VIPAS39: variants seen among roughly 807,000 people sequenced by gnomAD.
The protein encoded by VIPAS39 is VPS33B interacting protein, apical-basolateral polarity regulator, spe-39 homolog.
In VIPAS39, 63 loss-of-function variants were observed where a neutral mutation model predicts 84.7. The ratio of observed to expected loss-of-function variants is 0.74; its 90% confidence interval spans 0.61 to 0.92. The LOEUF (loss-of-function observed/expected upper bound fraction) is 0.92. Ranked by LOEUF, VIPAS39 falls within the 40% of genes least tolerant of loss-of-function variation. The probability of loss-of-function intolerance (pLI) is 0.00; values close to 1 mark genes in which losing one functional copy is unlikely to be tolerated. For missense variants in VIPAS39, 499 were observed against 604.5 expected, an observed-to-expected ratio of 0.83 and a Z score of 1.83; for synonymous variants, 192 against 216.5, an observed-to-expected ratio of 0.89 and a Z score of 0.99.
At chr14:77,444,193 T>G in intron 8 of VIPAS39, 56 bp downstream of exon 8, 1 of 1,541,386 alleles carries the variant, frequency 6.5e-7, no homozygotes, top group South Asian at 1.1e-5. Context: ...TGATTGGATT[T>G]TCAGAAACTA....
At chr14:77,433,700 C>A (rs2078560521) in intron 16 of VIPAS39, 142 bp downstream of exon 16, 1 of 671,530 alleles carries the variant, frequency 1.5e-6, no homozygotes, top group East Asian at 3.0e-5. Context: ...CTATAAAATT[C>A]ATTCTTTCAA....
intron 8 of VIPAS39, 144 bp downstream of exon 8, chr14:77,444,105 C>A: frequency 1.2e-6 from 1 of 813,816 alleles, no homozygotes; most frequent in Non-Finnish European, 2.0e-6. Flanking sequence ...CCTTAAAGCA[C>A]AGATTACTTA....
intron 16 of VIPAS39, among the ~76,000 whole-genome samples, chr14:77,431,967 G>A (rs951247530): frequency 2.6e-5 from 4 of 152,188 alleles, no homozygotes; most frequent in Non-Finnish European, 5.9e-5. Flanking sequence ...ACAAACAAAT[G>A]GATACAGAAA....
chr14:77,457,507 G>C lies in VIPAS39; in HGVS notation c.-13C>G, dbSNP rs902164018. The C allele has an allele frequency of 1.1e-5, 11 of 1,028,186 alleles. No homozygotes were observed. Among genetic ancestry groups the C allele is most frequent in the Non-Finnish European group, 1.6e-5 (11 of 702,152 alleles). The allele number at this position is 1,028,186 out of a possible 1,614,324, so 63.7% of individuals were successfully genotyped here. ...GGGACACCCTCACCTCTTCCGCACAGAGCCCTCCCTCTCAGGACAGCGCCA... is the reference window on the plus strand; with the variant it reads ...GGGACACCCTCACCTCTTCCGCACACAGCCCTCCCTCTCAGGACAGCGCCA... On this transcript the variant is annotated 5_prime_UTR_variant, in exon 1 of 20. Coordinates refer to ENST00000557658, the MANE Select transcript of VIPAS39 (RefSeq NM_001193315.2).
At position 77,429,689 on chromosome 14, in the gene VIPAS39, G is replaced by C; in HGVS notation, c.1258C>G (p.Pro420Ala). ...VVEILHKNNA[P>A]VQILQEYVNL... ...TCTTCAGGACCCATTACCTGCACAG[G>C]GGCATTGTTCTTGTGCAAAATTTCG... The change falls in exon 17 of 20, where the codon CCT becomes GCT. Residue 420 changes from proline to alanine, a missense_variant. Pro to Ala is a conservative substitution (Grantham distance 27, BLOSUM62 -1). Coordinates refer to ENST00000557658, the MANE Select transcript of VIPAS39 (RefSeq NM_001193315.2). 1 of 1,614,090 alleles carries C rather than the reference G, an allele frequency of 6.2e-7. No individual in the cohort carries two copies. The highest frequency in any genetic ancestry group is 8.5e-7 in the Non-Finnish European group (1 of 1,180,008).
chr14:77,443,167 A>C lies in VIPAS39; in HGVS notation c.598-15T>G. On this transcript the variant is annotated splice_polypyrimidine_tract_variant and intron_variant, in intron 8 of 19. Coordinates refer to ENST00000557658, the MANE Select transcript of VIPAS39 (RefSeq NM_001193315.2). ...AAAATCAGAACCTACAGGAAAAAAGAACAAAGACTGTGCAAACTTTCCAAC... is the reference window on the plus strand; with the variant it reads ...AAAATCAGAACCTACAGGAAAAAAGCACAAAGACTGTGCAAACTTTCCAAC... 1 of 1,614,176 alleles carries C rather than the reference A, an allele frequency of 6.2e-7. No homozygotes were observed. Among genetic ancestry groups the C allele is most frequent in the Non-Finnish European group, 8.5e-7 (1 of 1,180,028 alleles).
In VIPAS39 at chr14:77,434,254, G is replaced by C. The variant is rs371371767; in HGVS notation, c.1089+8C>G. The C allele has an allele frequency of 5.9e-5, 96 of 1,613,818 alleles. No homozygotes were observed. In the Middle Eastern group the frequency reaches 8.3e-4, roughly 14 times the overall value. ...CTAGTTTCATAACACTGACCAATTTGTATCTACCTTAAATGTCTTCTTCAG... is the reference window on the plus strand; with the variant it reads ...CTAGTTTCATAACACTGACCAATTTCTATCTACCTTAAATGTCTTCTTCAG... On this transcript the variant is annotated splice_region_variant and intron_variant, in intron 15 of 19. Transcript: ENST00000557658.
intron 3 of VIPAS39, 99 bp downstream of exon 3, chr14:77,453,200 T>A: frequency 8.5e-7 from 1 of 1,178,942 alleles, no homozygotes; most frequent in Non-Finnish European, 1.3e-6. Context: ...CTTATCCTAG[T>A]CCCTCTCCTA....
intron 11 of VIPAS39, 87 bp downstream of exon 11, chr14:77,440,979 A>G (rs1233969070): frequency 3.2e-6 from 5 of 1,550,300 alleles, no homozygotes; most frequent in African/African-American, 2.7e-5. Flanking sequence ...CGGCCTCCCA[A>G]AGTGCTGGGA....
At chr14:77,437,701 A>G (rs1365863298) in intron 12 of VIPAS39, 107 bp downstream of exon 12, 4 of 1,181,510 alleles carry the variant, frequency 3.4e-6, no homozygotes, top group Non-Finnish European at 5.0e-6. Context: ...GGTATGATTC[A>G]TTGTTAGCCC....
At chr14:77,427,847 T>C (rs1287099009) in intron 19 of VIPAS39, among the ~76,000 whole-genome samples, 4 of 152,244 alleles carry the variant, frequency 2.6e-5, no homozygotes, top group East Asian at 3.8e-4. Flanking sequence ...CTATTTTGTA[T>C]TTTACAAGCC....
intron 10 of VIPAS39, 128 bp downstream of exon 10, chr14:77,442,432 C>T: frequency 1.2e-6 from 1 of 839,402 alleles, no homozygotes; most frequent in South Asian, 1.3e-5. Context: ...TCCCCTCACA[C>T]TTCAATAGCT....
rs1272710860 is a variant in VIPAS39, at chr14:77,433,865, C to T, written c.1156G>A (p.Val386Ile). The T allele has an allele frequency of 6.2e-7, 1 of 1,614,026 alleles. No individual in the cohort carries two copies. The highest frequency in any genetic ancestry group is 1.1e-5 in the South Asian group (1 of 91,070). ...ARAKLRAWND[V>I]DALFTTKNWL... is the part of the protein sequence containing the mutation. ...ACCTTTGTGGTGAATAGGGCATCTA[C>T]ATCATTCCAGGCTCGAAGCTTGGCA... The change falls in exon 16 of 20, where the codon GTA becomes ATA. Residue 386 changes from valine (V) to isoleucine (I), a missense_variant. Coordinates refer to ENST00000557658, the MANE Select transcript of VIPAS39 (RefSeq NM_001193315.2).
intron 16 of VIPAS39, among the ~76,000 whole-genome samples, chr14:77,432,694 C>A (rs1254118045): frequency 6.6e-6 from 1 of 152,052 alleles, no homozygotes; most frequent in Admixed American, 6.6e-5. Flanking sequence ...CATGATCTCA[C>A]TCATGTAGGA....
chr14:77,442,252 C>T (rs993755414), intron 10 of VIPAS39, among the ~76,000 whole-genome samples: 1 of 152,202 alleles, frequency 6.6e-6, no homozygotes, highest in Non-Finnish European at 1.5e-5. Flanking sequence ...GTCATCATCT[C>T]CATTTGATCG....
At chr14:77,447,739 C>T (rs751798250) in intron 7 of VIPAS39, among the ~76,000 whole-genome samples, 2 of 152,210 alleles carry the variant, frequency 1.3e-5, no homozygotes, top group Non-Finnish European at 2.9e-5. Flanking sequence ...CAGCTCACTA[C>T]AACCTCCACT....
intron 12 of VIPAS39, among the ~76,000 whole-genome samples, chr14:77,436,532 C>T (rs1348021120): frequency 2.0e-5 from 3 of 152,158 alleles, no homozygotes; most frequent in African/African-American, 7.2e-5. Context: ...ACAACCTCCA[C>T]CTCCTGAGTT....
chr14:77,444,041 C>CAAAAAA (rs35983631), intron 8 of VIPAS39, among the ~76,000 whole-genome samples: 1 of 127,850 alleles, frequency 7.8e-6, no homozygotes, highest in Non-Finnish European at 1.7e-5. Flanking sequence ...ACCCTGTCTC[C>CAAAAAA]AAAAAAAAAA....
rs559469909 is a variant in VIPAS39 at position 77,446,566 on chromosome 14, C to G, written c.504+1928G>C. ...GCAATCCCAATAAAAATCTCAACAA[C>G]TCTTTTGTAGACACTGCCAAGGTGC... On this transcript the variant is annotated intron_variant, in intron 7 of 19. Transcript: ENST00000557658. Among the ~76,000 whole-genome samples the G allele has an allele frequency of 6.6e-5, 10 of 152,300 alleles. 1 individual carries two copies. In the South Asian group the frequency reaches 1.7e-3, roughly 25 times the overall value.
Sources: gnomAD v4.1 joint callset for allele counts (sites outside exome capture counted in the v4.1 genomes callset) on GRCh38, gnomAD v4.1.1 for gene constraint, MANE v1.5 for transcripts, NCBI Gene and HGNC (gene_info 2026-07-23, HGNC 2026-07-21) for gene names.